The following NRXN3 variants were observed in gnomAD, a reference collection of about 807,000 sequenced individuals.
NRXN3 encodes neurexin 3, also known as neurexin III.
NRXN3 carries 32 observed loss-of-function variants against 137.6 expected under a neutral mutation model. That is an observed-to-expected ratio of 0.23 (90% CI 0.18 to 0.31). The LOEUF (loss-of-function observed/expected upper bound fraction) is 0.31. Among genes scored for constraint, NRXN3 ranks in the 10% least tolerant of loss-of-function variants. NRXN3 has a pLI of 1.00. For synonymous variants in NRXN3, 798 were observed against 784.5 expected (o/e 1.02, Z -0.29); for missense variants, 1,574 against 2,062.5 (o/e 0.76, Z 4.59).
intron 15 of NRXN3, among the ~76,000 whole-genome samples, chr14:79,095,125 T>C (rs150281648): frequency 2.0e-4 from 30 of 152,262 alleles, no homozygotes; most frequent in African/African-American, 6.7e-4. Flanking sequence ...GCATGCATTA[T>C]GCTAATGTGG....
chr14:79,422,908 C>G (rs1464071637), intron 15 of NRXN3, among the ~76,000 whole-genome samples: 1 of 151,972 alleles, frequency 6.6e-6, no homozygotes, highest in Non-Finnish European at 1.5e-5. Flanking sequence ...CCATATTGGC[C>G]AGGCTGGTCT....
chr14:78,200,316 G>A (rs945061043), intron 1 of NRXN3, among the ~76,000 whole-genome samples: 5 of 152,218 alleles, frequency 3.3e-5, no homozygotes, highest in Non-Finnish European at 7.3e-5. Context: ...GATGCGGAAG[G>A]AGACTGAGCA....
intron 15 of NRXN3, among the ~76,000 whole-genome samples, chr14:79,153,149 T>C (rs1482617883): frequency 2.0e-5 from 3 of 151,982 alleles, no homozygotes; most frequent in African/African-American, 4.8e-5. Context: ...AAAACTCATC[T>C]TAAAACTGAT....
chr14:79,668,368 A>T (rs919293431), intron 17 of NRXN3, among the ~76,000 whole-genome samples: 1 of 152,054 alleles, frequency 6.6e-6, no homozygotes, highest in East Asian at 1.9e-4. Flanking sequence ...GCCTCACTCC[A>T]TCCTGTGAAG....
intron 4 of NRXN3, among the ~76,000 whole-genome samples, chr14:78,613,261 T>C (rs897297538): frequency 2.0e-5 from 3 of 152,236 alleles, no homozygotes; most frequent in Admixed American, 6.5e-5. Flanking sequence ...TATGCCATTT[T>C]AGTAGTTATA....
At position 78,593,692 on chromosome 14, in the gene NRXN3, G is replaced by T. The variant is rs544847375; in HGVS notation, c.758-51428G>T. Reference sequence around the variant, plus strand: ...AGTCTTGGGTGGGAGAGAGCCAGAGGTCGAGGAGGGGGTGGGGAAATTGTC... The same window carrying T: ...AGTCTTGGGTGGGAGAGAGCCAGAGTTCGAGGAGGGGGTGGGGAAATTGTC... On this transcript the variant is annotated intron_variant, in intron 4 of 20. Transcript: ENST00000335750. 1.1e-4 allele frequency among the ~76,000 whole-genome samples: 16 copies of T among 152,250 alleles called. No individual in the cohort carries two copies. In the South Asian group the frequency reaches 1.5e-3, roughly 14 times the overall value.
intron 6 of NRXN3, among the ~76,000 whole-genome samples, chr14:78,688,840 A>G (rs1267654966): frequency 6.6e-6 from 1 of 152,104 alleles, no homozygotes; most frequent in Non-Finnish European, 1.5e-5. Flanking sequence ...GGGCTCTGAT[A>G]GGAAAAGTAT....
intron 15 of NRXN3, among the ~76,000 whole-genome samples, chr14:79,314,911 C>G: frequency 6.6e-6 from 1 of 152,184 alleles, no homozygotes; most frequent in South Asian, 2.1e-4. Context: ...GAAAACCCAT[C>G]TGTACATCAC....
chr14:78,334,582 G>A (rs188306033), intron 4 of NRXN3, among the ~76,000 whole-genome samples: 2 of 152,240 alleles, frequency 1.3e-5, no homozygotes, highest in East Asian at 1.9e-4. Context: ...GTGTGTGTGC[G>A]TGTTTGTTTT....
chr14:78,254,130 C>G (rs2069109647), intron 2 of NRXN3, among the ~76,000 whole-genome samples: 1 of 151,966 alleles, frequency 6.6e-6, no homozygotes, highest in Admixed American at 6.6e-5. Flanking sequence ...GAATTAACTG[C>G]TTATGATTAA....
chr14:78,634,710 T>C (rs2097551868), intron 4 of NRXN3, among the ~76,000 whole-genome samples: 1 of 152,194 alleles, frequency 6.6e-6, no homozygotes, highest in African/African-American at 2.4e-5. Context: ...ATTTATTCTC[T>C]TCCTCCTCCA....
At chr14:78,943,613 AAAAAAAAAATATATAT>A (rs1567775954) in intron 10 of NRXN3, among the ~76,000 whole-genome samples, 10 of 30,994 alleles carry the variant, frequency 3.2e-4, no homozygotes, top group African/African-American at 3.9e-4. Context: ...TCACTGTTAA[AAAAAAAAAATATATAT>A]ATATATATAT....
Position 78,354,156 on chromosome 14 carries a change from C to A in NRXN3, c.757+56296C>A, listed in dbSNP as rs151104267. ...AAATAGGAAGCATCCATTTGAAATA[C>A]GAATGATCATCTAATTTACTTATCT... On this transcript the variant is annotated intron_variant, in intron 4 of 20. Transcript: ENST00000335750. 6.6e-5 allele frequency among the ~76,000 whole-genome samples: 10 copies of A among 152,238 alleles called. No individual in the cohort carries two copies. The East Asian group carries it at 1.7e-3, about 26-fold the overall frequency.
intron 4 of NRXN3, among the ~76,000 whole-genome samples, chr14:78,344,725 G>A (rs563258025): frequency 1.2e-3 from 183 of 152,318 alleles, no homozygotes; most frequent in Middle Eastern, 3.4e-3. Flanking sequence ...ACACGACATT[G>A]CTTATCATCC....
At chr14:79,058,844 C>T (rs1255003860) in intron 15 of NRXN3, among the ~76,000 whole-genome samples, 4 of 152,150 alleles carry the variant, frequency 2.6e-5, no homozygotes, top group African/African-American at 9.7e-5. Flanking sequence ...GGCATTTCCC[C>T]TGCTTACACT....
intron 4 of NRXN3, among the ~76,000 whole-genome samples, chr14:78,541,253 A>G (rs889330286): frequency 3.9e-5 from 6 of 152,174 alleles, no homozygotes; most frequent in African/African-American, 7.2e-5. Flanking sequence ...AGGGAAACCA[A>G]TCAGACGTAG....
chr14:79,524,591 C>T (rs986625361), intron 16 of NRXN3, among the ~76,000 whole-genome samples: 1 of 152,078 alleles, frequency 6.6e-6, no homozygotes, highest in African/African-American at 2.4e-5. Context: ...CCACTGCAAA[C>T]AGGCAGTAGG....
At position 79,081,991 on chromosome 14, in the gene NRXN3, G is replaced by A. The variant is rs75416715; in HGVS notation, c.3262+93850G>A. On this transcript the variant is annotated intron_variant, in intron 15 of 20. Coordinates refer to ENST00000335750, the MANE Select transcript of NRXN3 (RefSeq NM_001330195.2). ...AGAATTCTCTGGATTTGAATTTAAT[G>A]TTCAAGAGAGGGGAAGGCATAAATA... Among the ~76,000 whole-genome samples, 408 of 151,878 alleles carry A rather than the reference G, an allele frequency of 2.7e-3. 2 individuals are homozygous for A. The highest frequency in any genetic ancestry group is 9.1e-3 in the African/African-American group (377 of 41,426).
intron 2 of NRXN3, among the ~76,000 whole-genome samples, chr14:78,273,569 A>G (rs908747499): frequency 1.4e-4 from 22 of 152,150 alleles, no homozygotes; most frequent in African/African-American, 5.1e-4. Flanking sequence ...TCATCTATAC[A>G]GCTCCCTCTG....
Sources: allele counts gnomAD v4.1 joint callset (sites outside exome capture counted in the v4.1 genomes callset), GRCh38; gene constraint gnomAD v4.1.1; transcripts MANE v1.5; gene names NCBI Gene and HGNC (gene_info 2026-07-23, HGNC 2026-07-21).